Variants in ZBTB46 observed in about 807,000 individuals in gnomAD.
ZBTB46 encodes the protein zinc finger and BTB domain containing 46.
A neutral mutation model predicts 44.1 loss-of-function variants in ZBTB46; 8 were observed. The observed-to-expected ratio is 0.18, with a 90% CI of 0.11 to 0.33. The LOEUF is 0.33. Ranked by LOEUF, ZBTB46 falls within the 10% of genes least tolerant of loss-of-function variation. ZBTB46 has a pLI of 1.00. For synonymous variants in ZBTB46, 409 were observed against 382.3 expected, an observed-to-expected ratio of 1.07 and a Z score of -0.81; for missense variants, 651 against 847.7, an observed-to-expected ratio of 0.77 and a Z score of 2.88.
chr20:63,796,188 G>A (rs968148903), intron 1 of ZBTB46, among the ~76,000 whole-genome samples: 5 of 152,224 alleles, frequency 3.3e-5, no homozygotes, highest in Non-Finnish European at 5.9e-5. Context: ...AGCTCTGCCC[G>A]GAAGGCTGTT....
At chr20:63,776,569 C>T (rs1009940497) in intron 2 of ZBTB46, among the ~76,000 whole-genome samples, 1 of 152,078 alleles carries the variant, frequency 6.6e-6, no homozygotes, top group African/African-American at 2.4e-5. Context: ...TCTGGGAGGC[C>T]GAGGCGGGCG....
intron 3 of ZBTB46, among the ~76,000 whole-genome samples, chr20:63,754,317 C>T (rs2092199546): frequency 6.6e-6 from 1 of 152,206 alleles, no homozygotes; most frequent in African/African-American, 2.4e-5. Flanking sequence ...TTACCGCCAC[C>T]GTCCCCCAGG....
At chr20:63,760,240 G>A (rs911497101) in intron 3 of ZBTB46, among the ~76,000 whole-genome samples, 2 of 152,066 alleles carry the variant, frequency 1.3e-5, no homozygotes, top group South Asian at 2.1e-4. Context: ...AAAGGCACTC[G>A]CCCTGAAGCT....
At chr20:63,826,367 C>G (rs2092819358) in intron 1 of ZBTB46, among the ~76,000 whole-genome samples, 1 of 152,210 alleles carries the variant, frequency 6.6e-6, no homozygotes, top group Non-Finnish European at 1.5e-5. Flanking sequence ...GTCAGAGATG[C>G]TCAAAGAGAA....
chr20:63,777,296 A>C (rs2092433981), intron 2 of ZBTB46, among the ~76,000 whole-genome samples: 1 of 152,130 alleles, frequency 6.6e-6, no homozygotes. Context: ...ACAGCAGGAC[A>C]AAAAGTTAAA....
rs1335707385 is a variant in ZBTB46, at chr20:63,780,978, A to T, written c.938-5016T>A. 5.8e-4 allele frequency among the ~76,000 whole-genome samples: 86 copies of T among 148,382 alleles called. No homozygotes were observed. In the East Asian group the frequency reaches 0.012, roughly 20 times the overall value. ...ACCCCATCTCTACTAAAAAAAAAAA[A>T]AAAAATACAAAAATTAGCTGGGCGC... On this transcript the variant is annotated intron_variant, in intron 2 of 4. Coordinates refer to ENST00000245663, the MANE Select transcript of ZBTB46 (RefSeq NM_001369741.1).
intron 1 of ZBTB46, among the ~76,000 whole-genome samples, chr20:63,830,652 G>A (rs1249232178): frequency 2.7e-5 from 4 of 149,100 alleles, no homozygotes; most frequent in African/African-American, 9.8e-5. Context: ...GCGCCAAGAC[G>A]CCCCCGGGCT....
chr20:63,788,709 C>T (rs924436703), intron 2 of ZBTB46, among the ~76,000 whole-genome samples: 2 of 152,030 alleles, frequency 1.3e-5, no homozygotes, highest in African/African-American at 2.4e-5. Flanking sequence ...CGTGGTGGCA[C>T]GTGCCTGTAA....
intron 3 of ZBTB46, among the ~76,000 whole-genome samples, chr20:63,758,144 A>G (rs1473151655): frequency 4.2e-5 from 1 of 23,888 alleles, no homozygotes; most frequent in Non-Finnish European, 7.3e-5. Context: ...CCCCATCCAG[A>G]GCTCACACTC....
intron 3 of ZBTB46, among the ~76,000 whole-genome samples, chr20:63,769,949 G>C (rs1279700164): frequency 6.6e-6 from 1 of 152,194 alleles, no homozygotes; most frequent in African/African-American, 2.4e-5. Context: ...ACCTTCTCCA[G>C]TAACGAGCTG....
At chr20:63,810,326 G>A (rs375112959) in intron 1 of ZBTB46, among the ~76,000 whole-genome samples, 16 of 152,290 alleles carry the variant, frequency 1.1e-4, no homozygotes, top group African/African-American at 3.6e-4. Context: ...TGCCAGTCAC[G>A]TGGATGCTTA....
chr20:63,746,755 G>C lies in ZBTB46; in HGVS notation c.*175C>G, dbSNP rs2092093355. The C allele has an allele frequency of 2.0e-6, 2 of 1,020,318 alleles. No homozygotes were observed. Among genetic ancestry groups the C allele is most frequent in the East Asian group, 2.9e-5 (1 of 34,098 alleles). 63.2% of individuals were successfully genotyped at this position (1,020,318 alleles called of 1,614,324 possible). A position where few individuals can be genotyped will look rare whatever the true frequency, so the allele number is the denominator to read the frequency against. On this transcript the variant is annotated 3_prime_UTR_variant, in exon 5 of 5. Coordinates refer to ENST00000245663, the MANE Select transcript of ZBTB46 (RefSeq NM_001369741.1). ...CTGGTCCCAGAGCACCCCTCTTGCT[G>C]GGGTCGCACCTGCTTAGCCCGCAGG...
chr20:63,806,407 CAAAA>C (rs58233169), intron 1 of ZBTB46, among the ~76,000 whole-genome samples: 1 of 91,442 alleles, frequency 1.1e-5, no homozygotes, highest in Non-Finnish European at 2.3e-5. Flanking sequence ...AACTCCATCT[CAAAA>C]AAAAAAAAAA....
chr20:63,818,116 A>C (rs1259181019), intron 1 of ZBTB46, among the ~76,000 whole-genome samples: 1 of 152,214 alleles, frequency 6.6e-6, no homozygotes, highest in East Asian at 1.9e-4. Flanking sequence ...CCCATCCGCC[A>C]GGGACCCTGC....
upstream of ZBTB46, among the ~76,000 whole-genome samples, chr20:63,831,461 C>G (rs2092851990): frequency 6.9e-6 from 1 of 144,868 alleles, no homozygotes; most frequent in Admixed American, 6.8e-5. Context: ...GCTCCCGGCG[C>G]CGCGCCGCGG....
chr20:63,806,230 C>T (rs545264732), intron 1 of ZBTB46, among the ~76,000 whole-genome samples: 4 of 148,430 alleles, frequency 2.7e-5, no homozygotes, highest in South Asian at 4.3e-4. Flanking sequence ...AGTGAAACCC[C>T]GTCTCTACTA....
At chr20:63,749,555 C>G (rs542002720) in intron 4 of ZBTB46, among the ~76,000 whole-genome samples, 2 of 152,212 alleles carry the variant, frequency 1.3e-5, no homozygotes, top group African/African-American at 2.4e-5. Flanking sequence ...CCAGGATGGT[C>G]TCGATCTCCT....
intron 3 of ZBTB46, among the ~76,000 whole-genome samples, chr20:63,754,281 G>A (rs968744520): frequency 3.3e-5 from 5 of 152,094 alleles, no homozygotes; most frequent in East Asian, 1.9e-4. Context: ...GCTCTCCTCC[G>A]TGAGTCAGTA....
In ZBTB46 at chr20:63,761,239, TTG is replaced by T. The variant is rs1484971817; in HGVS notation, c.1223-8380_1223-8379del. On this transcript the variant is annotated intron_variant, in intron 3 of 4. Coordinates refer to ENST00000245663, the MANE Select transcript of ZBTB46 (RefSeq NM_001369741.1). ...GTCTCGAACTCCTGACCTCAAGTGA[TTG>T]ACGCACTTCAGCCTCCCAAAGTGCT... Among the ~76,000 whole-genome samples, 82 of 150,910 alleles carry T rather than the reference TTG, an allele frequency of 5.4e-4. 2 individuals carry two copies. Among genetic ancestry groups the T allele is most frequent in the Non-Finnish European group, 9.0e-4 (61 of 67,618 alleles).
Sources: allele counts gnomAD v4.1 joint callset (sites outside exome capture counted in the v4.1 genomes callset), GRCh38; gene constraint gnomAD v4.1.1; transcripts MANE v1.5; gene names NCBI Gene and HGNC (gene_info 2026-07-23, HGNC 2026-07-21).